IZUMO3: variants seen among roughly 807,000 people sequenced by gnomAD.
The protein encoded by IZUMO3 is IZUMO family member 3.
A neutral mutation model predicts 28.4 loss-of-function variants in IZUMO3; 36 were observed. That is an observed-to-expected ratio of 1.27 (90% CI 0.97 to 1.67). IZUMO3 has a LOEUF of 1.67. IZUMO3 is among the 40% of genes most tolerant of loss of function. The pLI, the probability that IZUMO3 is intolerant of heterozygous loss-of-function variation, is 0.00. For missense variants in IZUMO3, 387 were observed against 278.5 expected (o/e 1.39, Z -2.77); for synonymous variants, 126 against 99.2 (o/e 1.27, Z -1.61).
intron 4 of IZUMO3, 39 bp downstream of exon 4, chr9:24,544,704 T>G: frequency 2.6e-6 from 4 of 1,539,722 alleles, no homozygotes; most frequent in Non-Finnish European, 3.5e-6. Context: ...TGGGAAAATA[T>G]GGGCTGAAAC....
In IZUMO3 at chr9:24,543,213, G is replaced by T. The variant is rs1174791904; in HGVS notation, c.*16C>A. 4 of 1,528,890 alleles carry T rather than the reference G, an allele frequency of 2.6e-6. No homozygotes were observed. Among genetic ancestry groups the T allele is most frequent in the Non-Finnish European group, 3.5e-6 (4 of 1,136,414 alleles). The allele number at this position is 1,528,890 out of a possible 1,614,324, so 94.7% of individuals were successfully genotyped here. ...TTAAGAGAATCATGAAAGACTTCTT[G>T]TCCATGTTGATGTGTTTATTTTCTG... On this transcript the variant is annotated 3_prime_UTR_variant, in exon 7 of 7. Transcript: ENST00000543880.
Position 24,544,731 on chromosome 9 carries a change from T to G in IZUMO3, c.409+12A>C. The G allele has an allele frequency of 1.3e-6, 2 of 1,549,646 alleles. No individual in the cohort carries two copies. Among genetic ancestry groups the G allele is most frequent in the African/African-American group, 2.7e-5 (2 of 73,110 alleles). ...GGCTGAAACCTCAAGGCGTCACATGTACTGTACTCACTGCAATCTTCAGAA... is the reference window on the plus strand; with the variant it reads ...GGCTGAAACCTCAAGGCGTCACATGGACTGTACTCACTGCAATCTTCAGAA... On this transcript the variant is annotated intron_variant, in intron 4 of 6. Coordinates refer to ENST00000543880, the MANE Select transcript of IZUMO3 (RefSeq NM_001365008.2).
In IZUMO3 at chr9:24,544,993, G is replaced by T. The variant is rs756673196; in HGVS notation, c.370C>A (p.Leu124Ile). ...QNLESKLKEL[L>I]KNFSEIACSE... ...TTACCAATTTCAGAGAAGTTCTTTA[G>T]TAATTCTTTCAGTTTGGATTCCAGG... Residue 124 changes from leucine to isoleucine, a missense_variant, in exon 3 of 7, where the codon CTA becomes ATA. By Grantham distance (5) the Leu-to-Ile change is conservative. Transcript: ENST00000543880. 5 of 1,550,062 alleles carry T rather than the reference G, an allele frequency of 3.2e-6. No individual in the cohort carries two copies. The South Asian group carries it at 5.9e-5, about 18-fold the overall frequency.
At chr9:24,544,081 T>C (rs997301641) in intron 5 of IZUMO3, 120 bp downstream of exon 5, 1 of 719,762 alleles carries the variant, frequency 1.4e-6, no homozygotes, top group Non-Finnish European at 2.4e-6. Flanking sequence ...TTTGTAACAC[T>C]ACCATGACCT....
rs926809545 is a variant in IZUMO3, at chr9:24,544,142, G to A, written c.490+59C>T. ...ACAAATACATGTAGAATAAATCAGT[G>A]AGCAACCCTGCTCCTTAATCCCTGT... On this transcript the variant is annotated intron_variant, in intron 5 of 6. Transcript: ENST00000543880. 7.7e-6 allele frequency: 9 copies of A among 1,170,412 alleles called. No homozygotes were observed. The Middle Eastern group carries it at 5.8e-4, about 75-fold the overall frequency. The allele number at this position is 1,170,412 out of a possible 1,614,324, so 72.5% of individuals were successfully genotyped here.
chr9:24,544,859 C>G, intron 3 of IZUMO3, 99 bp from the exon 4 acceptor site: 1 of 1,337,102 alleles, frequency 7.5e-7, no homozygotes, highest in Admixed American at 2.0e-5. Context: ...GTTCCAGTTA[C>G]CTCTCCACCC....
chr9:24,544,948 T>A, intron 3 of IZUMO3, 24 bp downstream of exon 3: 1 of 1,455,744 alleles, frequency 6.9e-7, no homozygotes, highest in Non-Finnish European at 9.4e-7. Flanking sequence ...ACTTCAGTGC[T>A]GTTATATAGA....
rs991684681 is a variant in IZUMO3, at chr9:24,544,980, G to A, written c.383C>T (p.Ser128Phe). ...SKLKELLKNF[S>F]EIACSEDCIV... ...TAGAAAGTTTTACTTACCAATTTCA[G>A]AGAAGTTCTTTAGTAATTCTTTCAG... Residue 128 changes from serine (S) to phenylalanine (F), a missense_variant, in exon 3 of 7, where the codon TCT becomes TTT. Ser to Phe is a radical substitution (Grantham distance 155). Coordinates refer to ENST00000543880, the MANE Select transcript of IZUMO3 (RefSeq NM_001365008.2). 6.5e-7 allele frequency: 1 copy of A among 1,548,108 alleles called. No homozygotes were observed. The highest frequency in any genetic ancestry group is 2.0e-5 in the Admixed American group (1 of 50,968).
intron 3 of IZUMO3, 76 bp downstream of exon 3, chr9:24,544,896 G>A: frequency 7.4e-7 from 1 of 1,346,202 alleles, no homozygotes; most frequent in South Asian, 1.3e-5. Context: ...TTATGAACTT[G>A]CATTTCTTCC....
intron 3 of IZUMO3, 75 bp downstream of exon 3, chr9:24,544,897 C>G (rs772962945): frequency 2.2e-6 from 3 of 1,347,646 alleles, no homozygotes; most frequent in South Asian, 1.3e-5. Flanking sequence ...TATGAACTTG[C>G]ATTTCTTCCC....
chr9:24,544,846 T>C, intron 3 of IZUMO3, 86 bp from the exon 4 acceptor site: 1 of 1,395,920 alleles, frequency 7.2e-7, no homozygotes, highest in Non-Finnish European at 9.9e-7. Context: ...GTTTACCCTT[T>C]AAGTTCCAGT....
At position 24,544,287 on chromosome 9, in the gene IZUMO3, A is replaced by G. The variant is rs781580530; in HGVS notation, c.410-6T>C. The G allele has an allele frequency of 2.6e-6, 4 of 1,543,808 alleles. No homozygotes were observed. On this transcript the variant is annotated splice_polypyrimidine_tract_variant and splice_region_variant and intron_variant, in intron 4 of 6. Coordinates refer to ENST00000543880, the MANE Select transcript of IZUMO3 (RefSeq NM_001365008.2). ...AATGGGACCTTCAACCACAACTGAT[A>G]AAGAGGAGAAGAAAGATAATCAGAA...
chr9:24,544,203 C>G lies in IZUMO3; in HGVS notation c.488G>C (p.Gly163Ala). ...TTCCATACCATGATCTTTGTTACCT[C>G]CACAATATTCTCCTTTGAAGCACCT... ...TNRCFKGEYC[G>A]DEDPRKAENR... The change falls in exon 5 of 7, where the codon GGA (glycine) becomes GCA (alanine). Residue 163 changes from glycine to alanine, a missense_variant and splice_region_variant. By Grantham distance (60) the Gly-to-Ala change is moderately conservative. Coordinates refer to ENST00000543880, the MANE Select transcript of IZUMO3 (RefSeq NM_001365008.2). 1.3e-6 allele frequency: 2 copies of G among 1,546,998 alleles called. No homozygotes were observed. The highest frequency in any genetic ancestry group is 1.7e-6 in the Non-Finnish European group (2 of 1,143,668).
At chr9:24,543,891 G>T in intron 5 of IZUMO3, 137 bp from the exon 6 acceptor site, 1 of 654,536 alleles carries the variant, frequency 1.5e-6, no homozygotes, top group South Asian at 1.9e-5. Flanking sequence ...TGCTTATTTT[G>T]ACCTTTATTA....
chr9:24,543,154 G>T lies in IZUMO3; in HGVS notation c.*75C>A. On this transcript the variant is annotated 3_prime_UTR_variant, in exon 7 of 7. Transcript: ENST00000543880. ...ACTATGACTTTATGACCAAGAAAGGGTTTACCTCCCAGTTTTGTACTTAGA... is the reference window on the plus strand; with the variant it reads ...ACTATGACTTTATGACCAAGAAAGGTTTTACCTCCCAGTTTTGTACTTAGA... 1 of 1,203,406 alleles carries T rather than the reference G, an allele frequency of 8.3e-7. No individual in the cohort carries two copies. Among genetic ancestry groups the T allele is most frequent in the Non-Finnish European group, 1.1e-6 (1 of 894,656 alleles). 74.5% of individuals were successfully genotyped at this position (1,203,406 alleles called of 1,614,324 possible). A position where few individuals can be genotyped will look rare whatever the true frequency, so the allele number is the denominator to read the frequency against.
rs1271458615 is a variant in IZUMO3 at position 24,544,731 on chromosome 9, T to A, written c.409+12A>T. The A allele has an allele frequency of 9.0e-6, 14 of 1,549,528 alleles. No individual in the cohort carries two copies. Among genetic ancestry groups the A allele is most frequent in the Non-Finnish European group, 1.2e-5 (14 of 1,146,238 alleles). ...GGCTGAAACCTCAAGGCGTCACATGTACTGTACTCACTGCAATCTTCAGAA... is the reference window on the plus strand; with the variant it reads ...GGCTGAAACCTCAAGGCGTCACATGAACTGTACTCACTGCAATCTTCAGAA... On this transcript the variant is annotated intron_variant, in intron 4 of 6. Coordinates refer to ENST00000543880, the MANE Select transcript of IZUMO3 (RefSeq NM_001365008.2).
chr9:24,543,225 G>A lies in IZUMO3; in HGVS notation c.*4C>T, dbSNP rs1315119750. The A allele has an allele frequency of 3.2e-6, 5 of 1,539,500 alleles. No homozygotes were observed. Among genetic ancestry groups the A allele is most frequent in the Non-Finnish European group, 4.4e-6 (5 of 1,141,682 alleles). On this transcript the variant is annotated 3_prime_UTR_variant, in exon 7 of 7. Transcript: ENST00000543880. ...TGAAAGACTTCTTGTCCATGTTGATGTGTTTATTTTCTGAGTCTAAAGTCT... is the reference window on the plus strand; with the variant it reads ...TGAAAGACTTCTTGTCCATGTTGATATGTTTATTTTCTGAGTCTAAAGTCT...
At chr9:24,543,845 T>G (rs1428882529) in intron 5 of IZUMO3, 91 bp from the exon 6 acceptor site, 1 of 854,240 alleles carries the variant, frequency 1.2e-6, no homozygotes, top group Non-Finnish European at 1.9e-6. Context: ...TCTTTTAACC[T>G]CAGTTTGCCC....
rs1563909272 is a variant in IZUMO3, at chr9:24,545,472, G to T, written c.178C>A (p.His60Asn). The change falls in exon 1 of 7, where the codon CAT becomes AAT. Residue 60 changes from histidine (H) to asparagine (N), a missense_variant. By Grantham distance (68) the His-to-Asn change is moderately conservative (BLOSUM62 1). Transcript: ENST00000543880. Reference sequence around the variant, plus strand: ...CTGTGGGAGACCTTGAAGCTTAAATGAATCATCTCCTTAATCTGCCGTTCA... The same window carrying T: ...CTGTGGGAGACCTTGAAGCTTAAATTAATCATCTCCTTAATCTGCCGTTCA... ...LLERQIKEMI[H>N]LSFKVSHSDK... is the part of the protein sequence containing the mutation. 1 of 1,536,124 alleles carries T rather than the reference G, an allele frequency of 6.5e-7. No individual in the cohort carries two copies. Among genetic ancestry groups the T allele is most frequent in the East Asian group, 2.4e-5 (1 of 40,872 alleles).
Sources: allele counts gnomAD v4.1 joint callset, GRCh38; gene constraint gnomAD v4.1.1; transcripts MANE v1.5; gene names NCBI Gene and HGNC (gene_info 2026-07-23, HGNC 2026-07-21).